The following SLC4A4 variants were observed in gnomAD, a reference collection of about 807,000 sequenced individuals.
The protein encoded by SLC4A4 is electrogenic sodium bicarbonate cotransporter 1.
A neutral mutation model predicts 111.5 loss-of-function variants in SLC4A4; 27 were observed. The ratio of observed to expected loss-of-function variants is 0.24; its 90% CI spans 0.18 to 0.33. The LOEUF is 0.33. Among genes scored for constraint, SLC4A4 ranks in the 10% least tolerant of loss-of-function variants. The pLI, the probability that SLC4A4 is intolerant of heterozygous loss-of-function variation, is 1.00. For missense variants in SLC4A4, 909 were observed against 1,315.5 expected, an observed-to-expected ratio of 0.69 and a Z score of 4.78; for synonymous variants, 443 against 463.4, an observed-to-expected ratio of 0.96 and a Z score of 0.57.
At chr4:71,159,768 CT>C (rs1744571035) in intron 2 of SLC4A4, among the ~76,000 whole-genome samples, 1 of 152,130 alleles carries the variant, frequency 6.6e-6, no homozygotes, top group Non-Finnish European at 1.5e-5. Context: ...AGATACAATA[CT>C]TTTTGTAGAG....
chr4:71,101,865 T>C (rs1209235339), intron 2 of SLC4A4, among the ~76,000 whole-genome samples: 1 of 151,432 alleles, frequency 6.6e-6, no homozygotes, highest in Non-Finnish European at 1.5e-5. Context: ...GCAGAACGCC[T>C]CTCCTCCTCC....
chr4:71,524,864 A>T (rs1487199264), intron 16 of SLC4A4, among the ~76,000 whole-genome samples: 1 of 152,172 alleles, frequency 6.6e-6, no homozygotes, highest in East Asian at 1.9e-4. Context: ...GTTAAAATGT[A>T]CTGAGAGCCC....
chr4:71,329,326 T>C (rs1727769791), intron 3 of SLC4A4, among the ~76,000 whole-genome samples: 1 of 151,994 alleles, frequency 6.6e-6, no homozygotes, highest in Non-Finnish European at 1.5e-5. Flanking sequence ...TCCATATAGA[T>C]TGTAGGATTT....
In SLC4A4 at chr4:71,097,123, G is replaced by C. The variant is rs1447652125; in HGVS notation, c.-2+4331G>C. Among the ~76,000 whole-genome samples, 6 of 152,050 alleles carry C rather than the reference G, an allele frequency of 3.9e-5. No homozygotes were observed. The South Asian group carries it at 1.2e-3, about 31-fold the overall frequency. ...TTGTACAGATTATTTCATCACCCAG[G>C]TACGAGGCCTAGAACCCAATAGTTA... On this transcript the variant is annotated intron_variant, in intron 2 of 26. Transcript: ENST00000649996.
chr4:71,451,536 T>A (rs147097090), intron 11 of SLC4A4, among the ~76,000 whole-genome samples: 1 of 152,246 alleles, frequency 6.6e-6, no homozygotes, highest in Non-Finnish European at 1.5e-5. Context: ...TAAGTAAATG[T>A]GGTGATGGTT....
chr4:71,369,719 T>C (rs1408512084), intron 6 of SLC4A4, among the ~76,000 whole-genome samples: 3 of 152,176 alleles, frequency 2.0e-5, no homozygotes, highest in Non-Finnish European at 4.4e-5. Flanking sequence ...TTTATGTACC[T>C]AAAACCAAAA....
At chr4:71,384,659 A>AG (rs1718497290) in intron 6 of SLC4A4, among the ~76,000 whole-genome samples, 1 of 151,666 alleles carries the variant, frequency 6.6e-6, no homozygotes, top group Admixed American at 6.6e-5. Context: ...AAAAAAAAAA[A>AG]AAATTACCTC....
intron 1 of SLC4A4, among the ~76,000 whole-genome samples, chr4:71,227,946 A>G (rs887109945): frequency 2.6e-5 from 4 of 152,246 alleles, no homozygotes; most frequent in African/African-American, 9.6e-5. Context: ...ACTGTATTCT[A>G]CAATGGAACT....
At chr4:71,223,871 G>T (rs547221839) in intron 1 of SLC4A4, among the ~76,000 whole-genome samples, 2 of 152,106 alleles carry the variant, frequency 1.3e-5, no homozygotes, top group East Asian at 3.9e-4. Context: ...TCCGAACTCA[G>T]ATTTTCTCAG....
At chr4:71,437,527 C>T (rs547853958) in intron 7 of SLC4A4, 92 of 462,570 alleles carry the variant, frequency 2.0e-4, no homozygotes, top group African/African-American at 1.6e-3. Context: ...TGCAGTGACA[C>T]TGTAGTCTTT....
At chr4:71,222,518 G>A (rs749287810) in intron 1 of SLC4A4, among the ~76,000 whole-genome samples, 8 of 152,090 alleles carry the variant, frequency 5.3e-5, no homozygotes, top group Non-Finnish European at 1.2e-4. Flanking sequence ...TTCCCACCAT[G>A]GATTCATCCT....
At chr4:71,552,302 T>G (rs1156470631) in intron 20 of SLC4A4, among the ~76,000 whole-genome samples, 2 of 151,826 alleles carry the variant, frequency 1.3e-5, no homozygotes. Flanking sequence ...CTGACTTTTG[T>G]GCCCATGCTC....
chr4:71,370,122 A>C (rs974553059), intron 6 of SLC4A4, among the ~76,000 whole-genome samples: 1 of 152,222 alleles, frequency 6.6e-6, no homozygotes, highest in Non-Finnish European at 1.5e-5. Flanking sequence ...ATGTTATGCT[A>C]TTTAATTTTC....
chr4:71,503,383 C>T (rs1731121045), intron 16 of SLC4A4, among the ~76,000 whole-genome samples: 1 of 151,808 alleles, frequency 6.6e-6, no homozygotes, highest in South Asian at 2.1e-4. Flanking sequence ...TAATATCCTT[C>T]ATTCTTTTCT....
At chr4:71,088,785 G>T (rs1170184150) in intron 1 of SLC4A4, among the ~76,000 whole-genome samples, 2 of 152,036 alleles carry the variant, frequency 1.3e-5, no homozygotes, top group Non-Finnish European at 2.9e-5. Context: ...CTGTTAGTCT[G>T]ATGGGCTTTC....
chr4:71,369,975 G>A (rs1345096796), intron 6 of SLC4A4, among the ~76,000 whole-genome samples: 2 of 152,124 alleles, frequency 1.3e-5, no homozygotes, highest in Admixed American at 6.5e-5. Flanking sequence ...TCTGGGAGTG[G>A]CAGTAATAGA....
intron 3 of SLC4A4, chr4:71,300,934 GGTT>G: frequency 1.9e-6 from 1 of 523,710 alleles, no homozygotes; most frequent in Non-Finnish European, 3.9e-6. Flanking sequence ...TAGATCACCA[GGTT>G]GTTGTTAGTG....
intron 2 of SLC4A4, among the ~76,000 whole-genome samples, chr4:71,150,114 A>G (rs915033326): frequency 6.6e-6 from 1 of 152,176 alleles, no homozygotes; most frequent in Non-Finnish European, 1.5e-5. Context: ...GAATTTTATG[A>G]CTGAAAAAGA....
At chr4:71,136,307 T>A (rs1362694079) in intron 2 of SLC4A4, among the ~76,000 whole-genome samples, 1 of 152,248 alleles carries the variant, frequency 6.6e-6, no homozygotes, top group Non-Finnish European at 1.5e-5. Flanking sequence ...AGAGCCCTCA[T>A]GCATAGCTGA....
Sources: allele counts gnomAD v4.1 joint callset (sites outside exome capture counted in the v4.1 genomes callset), GRCh38; gene constraint gnomAD v4.1.1; transcripts MANE v1.5; gene names NCBI Gene and HGNC (gene_info 2026-07-23, HGNC 2026-07-21).